EPHB2: variants seen among roughly 807,000 people sequenced by gnomAD.
EPHB2 encodes ephrin type-B receptor 2.
In EPHB2, 18 loss-of-function variants were observed where a neutral mutation model predicts 96.4. The ratio of observed to expected loss-of-function variants is 0.19; its 90% confidence interval spans 0.13 to 0.28. The LOEUF (loss-of-function observed/expected upper bound fraction) is 0.28, where lower values mean the gene tolerates loss of function less well. EPHB2 is among the 10% of genes least tolerant of loss of function. The pLI is 1.00. For synonymous variants in EPHB2, 506 were observed against 534.1 expected (o/e 0.95, Z 0.72); for missense variants, 989 against 1,355.4 (o/e 0.73, Z 4.25).
rs913516619 is a variant in EPHB2 at position 22,918,931 on chromosome 1, T to C, written c.*5361T>C. 1.8e-4 allele frequency: 27 copies of C among 152,190 alleles called. No individual in the cohort carries two copies. Among genetic ancestry groups the C allele is most frequent in the African/African-American group, 6.5e-4 (27 of 41,438 alleles). 9.4% of individuals were successfully genotyped at this position (152,190 alleles called of 1,614,324 possible). On this transcript the variant is annotated 3_prime_UTR_variant, in exon 16 of 16. Coordinates refer to ENST00000374630, the MANE Select transcript of EPHB2 (RefSeq NM_017449.5). This position sits in a 1 kb window ranked among gnomAD's most constrained non-coding sequence, Gnocchi z 4.2. ...ATTCCCAGAGGTGATTCCCAGAAGATTCCAACCAGGCCATCTGTCTGTAGT... is the reference window on the plus strand; with the variant it reads ...ATTCCCAGAGGTGATTCCCAGAAGACTCCAACCAGGCCATCTGTCTGTAGT...
intron 1 of EPHB2, among the ~76,000 whole-genome samples, chr1:22,766,034 C>G (rs1344447194): frequency 1.3e-5 from 2 of 152,220 alleles, no homozygotes; most frequent in African/African-American, 4.8e-5. Context: ...TTCCCGCCTC[C>G]CCGGAGAGCT....
At chr1:22,804,222 G>A (rs1644892052) in intron 3 of EPHB2, among the ~76,000 whole-genome samples, 1 of 152,178 alleles carries the variant, frequency 6.6e-6, no homozygotes, top group South Asian at 2.1e-4. Flanking sequence ...GGGTTGGCTG[G>A]TTTGGTCCTC....
chr1:22,913,584 C>T lies in EPHB2; in HGVS notation c.*14C>T, dbSNP rs756688027. 37 of 1,613,894 alleles carry T rather than the reference C, an allele frequency of 2.3e-5. No individual in the cohort carries two copies. In the East Asian group the frequency reaches 4.0e-4, roughly 17 times the overall value. On this transcript the variant is annotated 3_prime_UTR_variant, in exon 16 of 16. Coordinates refer to ENST00000374630, the MANE Select transcript of EPHB2 (RefSeq NM_017449.5). The surrounding 1 kb of genome is among the most constrained non-coding windows in gnomAD (Gnocchi z 4.1). ...GTGGAGGTTTGACATTCACCTGCCT[C>T]GGCTCACCTCTTCCTCCAAGCCCCG...
In EPHB2 at chr1:22,910,526, A is replaced by G. The variant is rs372653137; in HGVS notation, c.2647A>G (p.Met883Val). 3.5e-5 allele frequency: 57 copies of G among 1,612,998 alleles called. No individual in the cohort carries two copies. In the African/African-American group the frequency reaches 6.4e-4, roughly 18 times the overall value. The change falls in exon 14 of 16, where the codon ATG becomes GTG. Residue 883 changes from methionine (M) to valine (V), a missense_variant. Physicochemically the swap from Met to Val is conservative, Grantham distance 21. Coordinates refer to ENST00000374630, the MANE Select transcript of EPHB2 (RefSeq NM_017449.5). ...FGQIVNTLDK[M>V]IRNPNSLKAM... ...CCAAATTGTCAACACGCTAGACAAG[A>G]TGATCCGCAATCCCAACAGCCTCAA...
intron 12 of EPHB2, among the ~76,000 whole-genome samples, chr1:22,908,656 A>G (rs1364704899): frequency 6.6e-6 from 1 of 152,182 alleles, no homozygotes; most frequent in African/African-American, 2.4e-5. Flanking sequence ...GAAAGGACAA[A>G]GAGCCCAGAG....
intron 5 of EPHB2, among the ~76,000 whole-genome samples, chr1:22,868,813 A>G (rs1191620759): frequency 6.6e-6 from 1 of 152,166 alleles, no homozygotes; most frequent in Non-Finnish European, 1.5e-5. Context: ...AACTGGGGTC[A>G]TTGTTCTAAT....
chr1:22,746,379 C>T (rs1020266556), intron 1 of EPHB2, among the ~76,000 whole-genome samples: 1 of 152,174 alleles, frequency 6.6e-6, no homozygotes, highest in Non-Finnish European at 1.5e-5. Flanking sequence ...AGCTGGGGAA[C>T]ATCTTGGGCA....
At chr1:22,911,835 C>G (rs1442780763) in intron 14 of EPHB2, among the ~76,000 whole-genome samples, 1 of 152,140 alleles carries the variant, frequency 6.6e-6, no homozygotes, top group East Asian at 1.9e-4. Flanking sequence ...CTCTCCTCAC[C>G]ATGACCCTGT....
chr1:22,916,693 C>T lies in EPHB2; in HGVS notation c.*3123C>T, dbSNP rs1640279019. On this transcript the variant is annotated 3_prime_UTR_variant, in exon 16 of 16. Transcript: ENST00000374630. The surrounding 1 kb of genome is among the most constrained non-coding windows in gnomAD (Gnocchi z 4.2). ...TGGCTCAACCTCCCCAAGTGCCAGC[C>T]CCCGCCTGCCCAGCAGTGTTAGGGG... 2 of 152,578 alleles carry T rather than the reference C, an allele frequency of 1.3e-5. No individual in the cohort carries two copies. The highest frequency in any genetic ancestry group is 1.3e-4 in the Admixed American group (2 of 15,290). 9.5% of individuals were successfully genotyped at this position (152,578 alleles called of 1,614,324 possible).
chr1:22,816,177 T>G (rs1645072678), intron 3 of EPHB2, among the ~76,000 whole-genome samples: 1 of 152,144 alleles, frequency 6.6e-6, no homozygotes, highest in Admixed American at 6.5e-5. Flanking sequence ...GTTAACACTG[T>G]TCCTGGGTGT....
At chr1:22,738,320 G>A (rs1211208185) in intron 1 of EPHB2, among the ~76,000 whole-genome samples, 1 of 152,176 alleles carries the variant, frequency 6.6e-6, no homozygotes, top group Non-Finnish European at 1.5e-5. Flanking sequence ...GTGCCCAAAT[G>A]TTCTAGCTCC....
intron 5 of EPHB2, among the ~76,000 whole-genome samples, chr1:22,871,292 G>T (rs975155808): frequency 6.6e-6 from 1 of 152,208 alleles, no homozygotes; most frequent in African/African-American, 2.4e-5. Context: ...CAGTCCATAT[G>T]CTCCATCCAT....
Position 22,913,426 on chromosome 1 carries a change from G to A in EPHB2, c.2853-36G>A, listed in dbSNP as rs184641920. 624 of 1,610,992 alleles carry A rather than the reference G, an allele frequency of 3.9e-4. 2 individuals carry two copies. The African/African-American group carries it at 5.9e-3, about 15-fold the overall frequency. ...TACCAGGCACAGGACCCCTTCACCC[G>A]CATATTTCCCTAACACACGTGCTTC... On this transcript the variant is annotated intron_variant, in intron 15 of 15. Coordinates refer to ENST00000374630, the MANE Select transcript of EPHB2 (RefSeq NM_017449.5). The surrounding 1 kb of genome is among the most constrained non-coding windows in gnomAD (Gnocchi z 4.1).
intron 1 of EPHB2, among the ~76,000 whole-genome samples, chr1:22,741,337 T>C (rs1643899417): frequency 6.6e-6 from 1 of 152,016 alleles, no homozygotes; most frequent in Non-Finnish European, 1.5e-5. Context: ...GTAAAACTCC[T>C]TAAAACCGCG....
Position 22,907,969 on chromosome 1 carries a change from TCA to T in EPHB2, c.2156_2157del (p.Thr719SerfsTer27). The T allele has an allele frequency of 6.2e-7, 1 of 1,614,230 alleles. No individual in the cohort carries two copies. The highest frequency in any genetic ancestry group is 8.5e-7 in the Non-Finnish European group (1 of 1,180,042). On this transcript the variant is annotated frameshift_variant, in exon 12 of 16. Transcript: ENST00000374630. LOFTEE classifies it high-confidence loss of function. ...CTCCCAAAGCAAAACGATGGGCAGTTCACAGTCATCCAGCTGGTGGGCATGCT... is the reference window on the plus strand; with the variant it reads ...CTCCCAAAGCAAAACGATGGGCAGTTCAGTCATCCAGCTGGTGGGCATGCT...
intron 1 of EPHB2, among the ~76,000 whole-genome samples, chr1:22,717,364 C>T (rs574007972): frequency 2.0e-5 from 3 of 152,158 alleles, no homozygotes; most frequent in Non-Finnish European, 2.9e-5. Context: ...AGCTGCCTTC[C>T]GGAGGGTGCA....
chr1:22,775,625 T>C (rs1465006820), intron 1 of EPHB2, among the ~76,000 whole-genome samples: 2 of 152,270 alleles, frequency 1.3e-5, no homozygotes, highest in African/African-American at 4.8e-5. Context: ...ATTTCTGAAA[T>C]GTACACTGCT....
intron 6 of EPHB2, among the ~76,000 whole-genome samples, chr1:22,885,512 A>C (rs1446589663): frequency 6.6e-6 from 1 of 152,236 alleles, no homozygotes; most frequent in Non-Finnish European, 1.5e-5. Flanking sequence ...AGCACTTGCT[A>C]TGTGCTAAGC....
chr1:22,911,508 G>A (rs1272245062), intron 14 of EPHB2, among the ~76,000 whole-genome samples: 2 of 152,134 alleles, frequency 1.3e-5, no homozygotes, highest in Non-Finnish European at 2.9e-5. Context: ...CCTGAGAGAC[G>A]GGCTCAGCCT....
Sources: allele counts gnomAD v4.1 joint callset (sites outside exome capture counted in the v4.1 genomes callset), GRCh38; gene constraint gnomAD v4.1.1; non-coding constraint Gnocchi (gnomAD v3.1); transcripts MANE v1.5; gene names NCBI Gene and HGNC (gene_info 2026-07-23, HGNC 2026-07-21).